The following SPATA6 variants were observed in gnomAD, a reference collection of about 807,000 sequenced individuals.
The protein encoded by SPATA6 is spermatogenesis associated 6, also known as spermatogenesis-associated protein 6.
In SPATA6, 56 loss-of-function variants were observed where a neutral mutation model predicts 65.3. That is an observed-to-expected ratio of 0.86 (90% CI 0.69 to 1.07). The LOEUF (loss-of-function observed/expected upper bound fraction) is 1.07. Ranked by LOEUF, SPATA6 falls within the 50% of genes least tolerant of loss-of-function variation. The pLI is 0.00. For synonymous variants in SPATA6, 199 were observed against 213.2 expected, an observed-to-expected ratio of 0.93 and a Z score of 0.58; for missense variants, 590 against 594.8, an observed-to-expected ratio of 0.99 and a Z score of 0.08.
the SPATA6 span, among the ~76,000 whole-genome samples, chr1:48,268,301 A>AAT: frequency 8.9e-6 from 1 of 111,890 alleles, no homozygotes; most frequent in African/African-American, 3.3e-5. Flanking sequence ...TAAAAATAAA[A>AAT]ATATGTGTGT....
At chr1:48,385,805 G>A (rs1206666591) in intron 8 of SPATA6, among the ~76,000 whole-genome samples, 1 of 152,108 alleles carries the variant, frequency 6.6e-6, no homozygotes, top group Non-Finnish European at 1.5e-5. Context: ...GTAGTTTATA[G>A]ATCTTGTTGA....
chr1:48,462,285 G>C (rs1010609349), intron 1 of SPATA6, among the ~76,000 whole-genome samples: 3 of 152,020 alleles, frequency 2.0e-5, no homozygotes, highest in Non-Finnish European at 2.9e-5. Context: ...CATGGCACAT[G>C]TATACATATG....
chr1:48,314,237 C>T (rs542598809), intron 11 of SPATA6, among the ~76,000 whole-genome samples: 4 of 152,186 alleles, frequency 2.6e-5, no homozygotes, highest in Non-Finnish European at 5.9e-5. Flanking sequence ...ACAGAATATA[C>T]ATTCTTTTCA....
rs745374791 is a variant in SPATA6, at chr1:48,399,652, TA to T, written c.487-9del. On this transcript the variant is annotated splice_polypyrimidine_tract_variant and intron_variant, in intron 6 of 12. Transcript: ENST00000371847. ...ATGGTAAATAAATTTATCCTAAACATAAAAAATAAAAATTAACTTGGTCAAA... is the reference window on the plus strand; with the variant it reads ...ATGGTAAATAAATTTATCCTAAACATAAAAATAAAAATTAACTTGGTCAAA... 7 of 1,550,372 alleles carry T rather than the reference TA, an allele frequency of 4.5e-6. No homozygotes were observed. The South Asian group carries it at 7.4e-5, about 16-fold the overall frequency.
intron 11 of SPATA6, chr1:48,326,100 G>A (rs1645752078): frequency 6.4e-6 from 1 of 156,092 alleles, no homozygotes; most frequent in South Asian, 2.0e-4. Flanking sequence ...GGAGGCTGGA[G>A]CCAGAGTCTG....
chr1:48,360,741 C>G (rs1646788923), intron 9 of SPATA6, among the ~76,000 whole-genome samples: 1 of 152,138 alleles, frequency 6.6e-6, no homozygotes, highest in South Asian at 2.1e-4. Flanking sequence ...GGGCCAAGGG[C>G]CCTGGGAGGA....
At chr1:48,461,671 A>C (rs1570647033) in intron 1 of SPATA6, among the ~76,000 whole-genome samples, 1 of 152,180 alleles carries the variant, frequency 6.6e-6, no homozygotes, top group Non-Finnish European at 1.5e-5. Flanking sequence ...TTAGAATGGC[A>C]ATCATTAAAA....
At chr1:48,290,437 T>A (rs1422663055), downstream of SPATA6, among the ~76,000 whole-genome samples, 1 of 152,146 alleles carries the variant, frequency 6.6e-6, no homozygotes, top group East Asian at 1.9e-4. Context: ...AGAAACTGCA[T>A]CAACTAACGA....
intron 11 of SPATA6, among the ~76,000 whole-genome samples, chr1:48,339,397 G>C (rs1293270248): frequency 6.6e-6 from 1 of 151,916 alleles, no homozygotes; most frequent in Non-Finnish European, 1.5e-5. Context: ...GGTACACAAA[G>C]AGTCAGGACA....
At chr1:48,329,948 T>G (rs1390196187) in intron 11 of SPATA6, among the ~76,000 whole-genome samples, 2 of 152,144 alleles carry the variant, frequency 1.3e-5, no homozygotes, top group Non-Finnish European at 2.9e-5. Context: ...CCTGGACATT[T>G]TGCAGGGGGA....
chr1:48,275,097 A>G, the SPATA6 span, among the ~76,000 whole-genome samples: 3 of 152,146 alleles, frequency 2.0e-5, no homozygotes, highest in African/African-American at 7.2e-5. Context: ...TTCTCTTTGT[A>G]GCAATTGTGA....
chr1:48,409,649 C>A (rs1475234109), intron 5 of SPATA6, among the ~76,000 whole-genome samples: 1 of 152,246 alleles, frequency 6.6e-6, no homozygotes, highest in African/African-American at 2.4e-5. Flanking sequence ...CGTTTCCACA[C>A]ATCTTCTGAA....
rs1036311224 is a variant in SPATA6, at chr1:48,305,711, C to T, written c.1286+76G>A. 7 of 1,063,988 alleles carry T rather than the reference C, an allele frequency of 6.6e-6. No individual in the cohort carries two copies. The South Asian group carries it at 1.2e-4, about 18-fold the overall frequency. 65.9% of individuals were successfully genotyped at this position (1,063,988 alleles called of 1,614,324 possible). ...AATTATCCTTTTGAGTCTAAATTTC[C>T]CATAAATTCAGCATATTATAAAACA... On this transcript the variant is annotated intron_variant, in intron 12 of 12. Coordinates refer to ENST00000371847, the MANE Select transcript of SPATA6 (RefSeq NM_019073.4).
chr1:48,382,455 C>G (rs1388345994), intron 9 of SPATA6, among the ~76,000 whole-genome samples: 1 of 134,018 alleles, frequency 7.5e-6, no homozygotes, highest in Non-Finnish European at 1.6e-5. Context: ...GCTGGCTGGG[C>G]GGGGGGCTGT....
chr1:48,418,373 C>G (rs548679473), intron 3 of SPATA6, among the ~76,000 whole-genome samples: 27 of 151,810 alleles, frequency 1.8e-4, no homozygotes, highest in African/African-American at 6.3e-4. Flanking sequence ...AAAATCCTGT[C>G]TTCTAGAAAA....
At chr1:48,366,218 G>C (rs950654484) in intron 9 of SPATA6, among the ~76,000 whole-genome samples, 1 of 152,068 alleles carries the variant, frequency 6.6e-6, no homozygotes, top group African/African-American at 2.4e-5. Flanking sequence ...GAGGATTTCT[G>C]CATCAATGTT....
intron 3 of SPATA6, among the ~76,000 whole-genome samples, chr1:48,431,975 T>G (rs1323876724): frequency 6.6e-6 from 1 of 152,098 alleles, no homozygotes; most frequent in African/African-American, 2.4e-5. Context: ...CTGGGCATGG[T>G]GGTGCATGCC....
intron 11 of SPATA6, among the ~76,000 whole-genome samples, chr1:48,347,443 TATGTATATATA>T (rs892680901): frequency 4.1e-5 from 6 of 146,192 alleles, no homozygotes; most frequent in Non-Finnish European, 6.0e-5. Flanking sequence ...ATATAATATA[TATGTATATATA>T]ATGTATATAT....
At chr1:48,428,261 C>A (rs952135473) in intron 3 of SPATA6, among the ~76,000 whole-genome samples, 6 of 152,126 alleles carry the variant, frequency 3.9e-5, no homozygotes, top group Admixed American at 1.3e-4. Context: ...TCGAGACCAG[C>A]CTGACCAACA....
Sources: gnomAD v4.1 joint callset for allele counts (sites outside exome capture counted in the v4.1 genomes callset) on GRCh38, gnomAD v4.1.1 for gene constraint, MANE v1.5 for transcripts, NCBI Gene and HGNC (gene_info 2026-07-23, HGNC 2026-07-21) for gene names.